The following ABHD2 variants were observed in gnomAD, a reference collection of about 807,000 sequenced individuals.
ABHD2 encodes monoacylglycerol lipase ABHD2.
A neutral mutation model predicts 48.1 loss-of-function variants in ABHD2; 20 were observed. The ratio of observed to expected loss-of-function variants is 0.42; its 90% confidence interval spans 0.29 to 0.60. ABHD2 has a LOEUF of 0.60. Among genes scored for constraint, ABHD2 ranks in the 20% least tolerant of loss-of-function variants. The probability of loss-of-function intolerance (pLI) is 0.24; values close to 1 mark genes in which losing one functional copy is unlikely to be tolerated. For missense variants in ABHD2, 405 were observed against 550.9 expected (o/e 0.74, Z 2.65); for synonymous variants, 209 against 214.2 (o/e 0.98, Z 0.21).
At chr15:89,073,193 G>C in the ABHD2 span, among the ~76,000 whole-genome samples, 8 of 152,258 alleles carry the variant, frequency 5.3e-5, no homozygotes, top group East Asian at 1.2e-3. Context: ...CAGCATTGTG[G>C]AGCAATGCTA....
intron 3 of ABHD2, among the ~76,000 whole-genome samples, chr15:89,127,266 G>A (rs1339891419): frequency 2.0e-5 from 3 of 152,230 alleles, no homozygotes; most frequent in Non-Finnish European, 2.9e-5. Flanking sequence ...CTGGGTCAGC[G>A]TGGGTGCATG....
At chr15:89,157,852 A>C (rs2050699508) in intron 5 of ABHD2, among the ~76,000 whole-genome samples, 1 of 151,974 alleles carries the variant, frequency 6.6e-6, no homozygotes, top group African/African-American at 2.4e-5. Context: ...CAAAAAATTA[A>C]AAAAAATAAA....
At position 89,166,882 on chromosome 15, in the gene ABHD2, G is replaced by A. The variant is rs929585366; in HGVS notation, c.539-8930G>A. On this transcript the variant is annotated intron_variant, in intron 5 of 10. Transcript: ENST00000352732. This position sits in a 1 kb window ranked among gnomAD's most constrained non-coding sequence, Gnocchi z 4.6. ...GAAAACTTGGTCTTGCTTAGAGGAC[G>A]GGACTTCAGTCTTAGAAGGGAGGGA... Among the ~76,000 whole-genome samples the A allele has an allele frequency of 4.6e-5, 7 of 152,024 alleles. No homozygotes were observed. The highest frequency in any genetic ancestry group is 1.3e-4 in the Admixed American group (2 of 15,262).
At chr15:89,108,624 C>T (rs1013918250) in intron 1 of ABHD2, among the ~76,000 whole-genome samples, 4 of 152,152 alleles carry the variant, frequency 2.6e-5, no homozygotes, top group Admixed American at 6.5e-5. Context: ...TCGTGCTTTC[C>T]GCACTGTAAG....
chr15:89,159,473 T>A (rs556613182), intron 5 of ABHD2, among the ~76,000 whole-genome samples: 25 of 152,272 alleles, frequency 1.6e-4, no homozygotes, highest in Non-Finnish European at 1.5e-5. Context: ...CCTCGATCTA[T>A]GGGCGAGGAG....
chr15:89,099,338 C>T (rs1032605141), intron 1 of ABHD2, among the ~76,000 whole-genome samples: 1 of 152,160 alleles, frequency 6.6e-6, no homozygotes, highest in East Asian at 1.9e-4. Context: ...TGGCTCATAC[C>T]TGTATAATTC....
chr15:89,140,615 C>T (rs558605582), intron 3 of ABHD2, among the ~76,000 whole-genome samples: 1 of 152,134 alleles, frequency 6.6e-6, no homozygotes, highest in Admixed American at 6.5e-5. Flanking sequence ...ATACACACAC[C>T]ACCTTATTTG....
chr15:89,089,049 T>G (rs1048571161), intron 1 of ABHD2, among the ~76,000 whole-genome samples: 1 of 152,224 alleles, frequency 6.6e-6, no homozygotes, highest in Admixed American at 6.5e-5. Context: ...GAAAGGCAGC[T>G]TTTGACCCAC....
rs2050496945 is a variant in ABHD2, at chr15:89,146,626, A to G, written c.195-5051A>G. Among the ~76,000 whole-genome samples, 1 of 152,228 alleles carries G rather than the reference A, an allele frequency of 6.6e-6. No homozygotes were observed. ...ATACCATAAGGATTAGTAAAGAAGT[A>G]GAAGAGACTGTTTCTACTTTCAGGG... On this transcript the variant is annotated intron_variant, in intron 3 of 10. Coordinates refer to ENST00000352732, the MANE Select transcript of ABHD2 (RefSeq NM_152924.5). This position sits in a 1 kb window ranked among gnomAD's most constrained non-coding sequence, Gnocchi z 4.2.
rs1182353933 is a variant in ABHD2 at position 89,155,892 on chromosome 15, A to T, written c.538+358A>T. 1.3e-5 allele frequency among the ~76,000 whole-genome samples: 2 copies of T among 151,398 alleles called. No homozygotes were observed. Among genetic ancestry groups the T allele is most frequent in the Non-Finnish European group, 2.9e-5 (2 of 67,902 alleles). Reference sequence around the variant, plus strand: ...GCTGTTCTGATGCTCGTTCCTCAGGACTCTTGTGACTGACAGGCAAGGGTG... The same window carrying T: ...GCTGTTCTGATGCTCGTTCCTCAGGTCTCTTGTGACTGACAGGCAAGGGTG... On this transcript the variant is annotated intron_variant, in intron 5 of 10. Coordinates refer to ENST00000352732, the MANE Select transcript of ABHD2 (RefSeq NM_152924.5). This position sits in a 1 kb window ranked among gnomAD's most constrained non-coding sequence, Gnocchi z 4.9.
intron 5 of ABHD2, among the ~76,000 whole-genome samples, chr15:89,156,760 T>C (rs936194065): frequency 6.6e-6 from 1 of 152,070 alleles, no homozygotes; most frequent in Admixed American, 6.5e-5. Flanking sequence ...AGGTTCTGGC[T>C]TCTGGACTGC....
the ABHD2 span, among the ~76,000 whole-genome samples, chr15:89,067,215 T>C: frequency 6.6e-6 from 1 of 151,816 alleles, no homozygotes; most frequent in African/African-American, 2.4e-5. Context: ...AAGCCCACAC[T>C]ATTTATTGGT....
intron 1 of ABHD2, among the ~76,000 whole-genome samples, chr15:89,110,240 T>G (rs1027296020): frequency 7.2e-5 from 11 of 152,176 alleles, no homozygotes; most frequent in South Asian, 2.1e-4. Context: ...TTTTGTATTT[T>G]TGGTAGAGAT....
At chr15:89,130,945 G>A (rs552562974) in intron 3 of ABHD2, among the ~76,000 whole-genome samples, 68 of 152,168 alleles carry the variant, frequency 4.5e-4, no homozygotes, top group African/African-American at 1.6e-3. Context: ...GAATAATCAT[G>A]GCCACAGGCA....
intron 1 of ABHD2, among the ~76,000 whole-genome samples, chr15:89,110,457 T>A (rs1347445456): frequency 6.6e-6 from 1 of 152,228 alleles, no homozygotes; most frequent in Non-Finnish European, 1.5e-5. Flanking sequence ...GGGTTCTAGA[T>A]CTAGCTGCTC....
chr15:89,150,915 C>A (rs1345652240), intron 3 of ABHD2, among the ~76,000 whole-genome samples: 1 of 152,232 alleles, frequency 6.6e-6, no homozygotes, highest in East Asian at 1.9e-4. Context: ...ATAATCATTT[C>A]TTAGTTGTAA....
intron 3 of ABHD2, among the ~76,000 whole-genome samples, chr15:89,148,850 T>C (rs1381346258): frequency 6.6e-6 from 1 of 152,266 alleles, no homozygotes; most frequent in Non-Finnish European, 1.5e-5. Context: ...TTTAGCAGCA[T>C]TTCTTCAGTA....
chr15:89,063,794 C>G, the ABHD2 span, among the ~76,000 whole-genome samples: 2 of 152,102 alleles, frequency 1.3e-5, no homozygotes, highest in Non-Finnish European at 2.9e-5. Flanking sequence ...TCAGTGGTCC[C>G]CAACATTTTT....
intron 5 of ABHD2, among the ~76,000 whole-genome samples, chr15:89,171,649 G>A (rs574030571): frequency 6.6e-6 from 1 of 152,240 alleles, no homozygotes; most frequent in East Asian, 1.9e-4. Context: ...CTAAGCTTCC[G>A]AAAGGCTAAG....
Sources: gnomAD v4.1 joint callset for allele counts (sites outside exome capture counted in the v4.1 genomes callset) on GRCh38, gnomAD v4.1.1 for gene constraint, Gnocchi (gnomAD v3.1) non-coding constraint, MANE v1.5 for transcripts, NCBI Gene and HGNC (gene_info 2026-07-23, HGNC 2026-07-21) for gene names.